The following DTWD2 variants were observed in gnomAD, a reference collection of about 807,000 sequenced individuals.
The protein encoded by DTWD2 is DTW motif tRNA-uridine aminocarboxypropyltransferase 2, also known as tRNA-uridine aminocarboxypropyltransferase 2.
A neutral mutation model predicts 31.8 loss-of-function variants in DTWD2; 39 were observed. That is an observed-to-expected ratio of 1.22 (90% CI 0.95 to 1.60). The LOEUF (loss-of-function observed/expected upper bound fraction) is 1.60. Ranked by LOEUF, DTWD2 falls within the 40% of genes most tolerant of loss-of-function variation. The probability of loss-of-function intolerance (pLI) is 0.00; values close to 1 mark genes in which losing one functional copy is unlikely to be tolerated. For missense variants in DTWD2, 515 were observed against 381.5 expected, an observed-to-expected ratio of 1.35 and a Z score of -2.92; for synonymous variants, 180 against 142.8, an observed-to-expected ratio of 1.26 and a Z score of -1.86.
intron 4 of DTWD2, among the ~76,000 whole-genome samples, chr5:118,875,252 C>A (rs921280815): frequency 7.9e-5 from 12 of 152,200 alleles, no homozygotes; most frequent in Admixed American, 7.2e-4. Flanking sequence ...CAAAAACAAA[C>A]TGAAGTATGC....
intron 4 of DTWD2, among the ~76,000 whole-genome samples, chr5:118,915,654 G>A (rs529763201): frequency 1.3e-5 from 2 of 152,258 alleles, no homozygotes; most frequent in South Asian, 2.1e-4. Flanking sequence ...GATTACAGGC[G>A]TGAGCCACTA....
chr5:118,943,154 T>C (rs1754245009), intron 2 of DTWD2, among the ~76,000 whole-genome samples: 1 of 152,216 alleles, frequency 6.6e-6, no homozygotes. Flanking sequence ...GCTATCAGTT[T>C]ACATAAATTT....
chr5:118,925,044 G>A (rs1753780202), intron 4 of DTWD2, among the ~76,000 whole-genome samples: 1 of 152,132 alleles, frequency 6.6e-6, no homozygotes, highest in South Asian at 2.1e-4. Context: ...TAAAAACAAT[G>A]TCTGCATTTT....
At chr5:118,849,952 G>A (rs940617527) in intron 4 of DTWD2, among the ~76,000 whole-genome samples, 12 of 151,574 alleles carry the variant, frequency 7.9e-5, no homozygotes, top group East Asian at 1.9e-4. Flanking sequence ...AAACCACCAC[G>A]GCACGTGTAT....
At chr5:118,863,872 C>T (rs551611623) in intron 4 of DTWD2, among the ~76,000 whole-genome samples, 12 of 152,042 alleles carry the variant, frequency 7.9e-5, no homozygotes, top group South Asian at 2.1e-4. Flanking sequence ...GTACACAACA[C>T]GCCCAAAGCC....
chr5:118,967,751 CA>C (rs1211694954), intron 1 of DTWD2, among the ~76,000 whole-genome samples: 1 of 151,960 alleles, frequency 6.6e-6, no homozygotes, highest in African/African-American at 2.4e-5. Flanking sequence ...AGAAACATTC[CA>C]ATCAATAAAT....
At chr5:118,862,736 A>G (rs1752290489) in intron 4 of DTWD2, among the ~76,000 whole-genome samples, 1 of 152,184 alleles carries the variant, frequency 6.6e-6, no homozygotes, top group Non-Finnish European at 1.5e-5. Flanking sequence ...TTCAATTAAC[A>G]AAGTACTCAG....
chr5:118,943,470 G>A (rs901788118), intron 2 of DTWD2, among the ~76,000 whole-genome samples: 3 of 151,068 alleles, frequency 2.0e-5, no homozygotes, highest in South Asian at 2.1e-4. Context: ...AGAATGGCAT[G>A]AACCTGGAAG....
rs546566551 is a variant in DTWD2, at chr5:118,943,407, C to T, written c.309+1152G>A. Among the ~76,000 whole-genome samples, 6 of 152,084 alleles carry T rather than the reference C, an allele frequency of 3.9e-5. No homozygotes were observed. In the East Asian group the frequency reaches 5.8e-4, roughly 15 times the overall value. ...TCTACTAAAAATACAAAAAGTTAGC[C>T]GGGCGTTGTGGTGGGCGCCTGTAGT... On this transcript the variant is annotated intron_variant, in intron 2 of 5. Coordinates refer to ENST00000510708, the MANE Select transcript of DTWD2 (RefSeq NM_173666.4).
chr5:118,945,858 A>C lies in DTWD2; in HGVS notation c.219-1209T>G, dbSNP rs577856478. On this transcript the variant is annotated intron_variant, in intron 1 of 5. Transcript: ENST00000510708. ...CCAGATATGGGAGTAAATTTTTCAC[A>C]AACGATCACAGGCAGATGTTATATG... Among the ~76,000 whole-genome samples, 32 of 152,282 alleles carry C rather than the reference A, an allele frequency of 2.1e-4. No homozygotes were observed. In the South Asian group the frequency reaches 6.2e-3, roughly 30 times the overall value.
intron 1 of DTWD2, among the ~76,000 whole-genome samples, chr5:118,984,232 T>C (rs1755370695): frequency 6.6e-6 from 1 of 151,522 alleles, no homozygotes; most frequent in South Asian, 2.1e-4. Context: ...GAGGTTGCGG[T>C]CAGCCAAGAT....
intron 4 of DTWD2, among the ~76,000 whole-genome samples, chr5:118,893,376 A>T (rs1753016200): frequency 6.6e-6 from 1 of 151,652 alleles, no homozygotes; most frequent in African/African-American, 2.4e-5. Context: ...AAAAAAAAAA[A>T]AAAAGTGGAA....
chr5:118,932,323 T>G (rs866438346), intron 3 of DTWD2, among the ~76,000 whole-genome samples: 1 of 94,350 alleles, frequency 1.1e-5, no homozygotes, highest in African/African-American at 4.0e-5. Context: ...CAAAAAAATT[T>G]AAAAAAAAAA....
chr5:118,846,965 C>T (rs1257884263), intron 5 of DTWD2, among the ~76,000 whole-genome samples: 2 of 132,068 alleles, frequency 1.5e-5, no homozygotes, highest in East Asian at 2.0e-4. Context: ...CACACACACA[C>T]ATACACACGA....
intron 5 of DTWD2, among the ~76,000 whole-genome samples, chr5:118,843,219 T>C (rs910072083): frequency 6.6e-6 from 1 of 151,298 alleles, no homozygotes; most frequent in Non-Finnish European, 1.5e-5. Context: ...CCTCCCAAAG[T>C]GCTGGGATTA....
At position 118,945,891 on chromosome 5, in the gene DTWD2, A is replaced by G. The variant is rs553454170; in HGVS notation, c.219-1242T>C. 6.8e-4 allele frequency among the ~76,000 whole-genome samples: 104 copies of G among 152,352 alleles called. 1 individual carries two copies. The highest frequency in any genetic ancestry group is 1.5e-4 in the Non-Finnish European group (10 of 68,034). Reference sequence around the variant, plus strand: ...ACAGGCAGATGTTATATGCCATTACAATAGTATACAAATAAATGTTATATT... The same window carrying G: ...ACAGGCAGATGTTATATGCCATTACGATAGTATACAAATAAATGTTATATT... On this transcript the variant is annotated intron_variant, in intron 1 of 5. Coordinates refer to ENST00000510708, the MANE Select transcript of DTWD2 (RefSeq NM_173666.4).
chr5:118,882,553 T>G (rs1752764980), intron 4 of DTWD2, among the ~76,000 whole-genome samples: 1 of 152,268 alleles, frequency 6.6e-6, no homozygotes. Flanking sequence ...GCTCTGCACC[T>G]GCAGCAGACT....
chr5:118,919,401 T>C (rs1442130247), intron 4 of DTWD2, among the ~76,000 whole-genome samples: 2 of 152,230 alleles, frequency 1.3e-5, no homozygotes, highest in Admixed American at 1.3e-4. Context: ...TCAGGTTTTA[T>C]TACCATTAGA....
intron 4 of DTWD2, among the ~76,000 whole-genome samples, chr5:118,899,662 T>C (rs893738462): frequency 1.3e-5 from 2 of 152,126 alleles, no homozygotes; most frequent in African/African-American, 4.8e-5. Context: ...TCCACAGACC[T>C]CTTCATACTC....
Sources: gnomAD v4.1 joint callset for allele counts (sites outside exome capture counted in the v4.1 genomes callset) on GRCh38, gnomAD v4.1.1 for gene constraint, MANE v1.5 for transcripts, NCBI Gene and HGNC (gene_info 2026-07-23, HGNC 2026-07-21) for gene names.